Variants in SEC14L5 observed in about 807,000 individuals in gnomAD.
The protein encoded by SEC14L5 is SEC14-like protein 5.
A neutral mutation model predicts 84.6 loss-of-function variants in SEC14L5; 96 were observed. The ratio of observed to expected loss-of-function variants is 1.13; its 90% CI spans 0.96 to 1.34. The LOEUF (loss-of-function observed/expected upper bound fraction) is 1.34, where lower values mean the gene tolerates loss of function less well. Among genes scored for constraint, SEC14L5 ranks in the 40% most tolerant of loss-of-function variants. The pLI is 0.00. For missense variants in SEC14L5, 1,224 were observed against 942.5 expected (o/e 1.30, Z -3.91); for synonymous variants, 546 against 383.4 (o/e 1.42, Z -4.95).
chr16:5,012,842 C>T (rs982073679), intron 15 of SEC14L5, among the ~76,000 whole-genome samples: 1 of 151,392 alleles, frequency 6.6e-6, no homozygotes, highest in Admixed American at 6.6e-5. Flanking sequence ...TTGCAGTGAG[C>T]TGAGATCGCG....
chr16:4,972,295 A>G (rs1955289103), intron 2 of SEC14L5, among the ~76,000 whole-genome samples: 1 of 152,100 alleles, frequency 6.6e-6, no homozygotes, highest in Non-Finnish European at 1.5e-5. Flanking sequence ...GAGCCACTGC[A>G]CCTGGCTTCA....
chr16:5,011,235 TCTC>T lies in SEC14L5; in HGVS notation c.1942_1944del (p.Leu648del). ...ACAGCCCCGGGCCCAAGTGCAAACTTCTCTACTACTGTGAGGTGCTCGCCTCTG... is the reference window on the plus strand; with the variant it reads ...ACAGCCCCGGGCCCAAGTGCAAACTTTACTACTGTGAGGTGCTCGCCTCTG... On this transcript the variant is annotated inframe_deletion, in exon 15 of 16. Transcript: ENST00000251170. 6.2e-7 allele frequency: 1 copy of T among 1,613,822 alleles called. No homozygotes were observed. Among genetic ancestry groups the T allele is most frequent in the Non-Finnish European group, 8.5e-7 (1 of 1,179,862 alleles).
intron 3 of SEC14L5, among the ~76,000 whole-genome samples, 186 bp from the exon 4 acceptor site, chr16:4,987,963 A>G (rs538955543): frequency 2.0e-5 from 3 of 150,054 alleles, no homozygotes; most frequent in African/African-American, 4.9e-5. Flanking sequence ...TGGGTGGTGA[A>G]GATGGGTTGG....
At position 4,982,609 on chromosome 16, in the gene SEC14L5, C is replaced by G. The variant is rs529757985; in HGVS notation, c.64-4948C>G. Reference sequence around the variant, plus strand: ...GCTCCGAGGACAGTGAGGGGCCCTTCCCTGTGAAGGGCACAGTGGCATGGA... The same window carrying G: ...GCTCCGAGGACAGTGAGGGGCCCTTGCCTGTGAAGGGCACAGTGGCATGGA... On this transcript the variant is annotated intron_variant, in intron 2 of 15. Coordinates refer to ENST00000251170, the MANE Select transcript of SEC14L5 (RefSeq NM_014692.2). Among the ~76,000 whole-genome samples the G allele has an allele frequency of 2.6e-5, 4 of 152,316 alleles. No homozygotes were observed. In the East Asian group the frequency reaches 7.7e-4, roughly 29 times the overall value.
At position 5,011,165 on chromosome 16, in the gene SEC14L5, T is replaced by G. The variant is rs1185147467; in HGVS notation, c.1871T>G (p.Val624Gly). The G allele has an allele frequency of 3.7e-6, 6 of 1,613,224 alleles. No individual in the cohort carries two copies. The East Asian group carries it at 1.3e-4, about 36-fold the overall frequency. ...QWQMHSPPSS[V>G]ACSLPGVDDV... Reference sequence around the variant, plus strand: ...CAAATGCACAGCCCCCCCAGCAGCGTGGCCTGCAGCCTCCCGGGTGTGGAC... The same window carrying G: ...CAAATGCACAGCCCCCCCAGCAGCGGGGCCTGCAGCCTCCCGGGTGTGGAC... The change falls in exon 15 of 16, where the codon GTG becomes GGG. Residue 624 changes from valine (V) to glycine (G), a missense_variant. Coordinates refer to ENST00000251170, the MANE Select transcript of SEC14L5 (RefSeq NM_014692.2).
chr16:4,994,489 G>A (rs993748657), intron 6 of SEC14L5, among the ~76,000 whole-genome samples: 85 of 152,084 alleles, frequency 5.6e-4, no homozygotes, highest in African/African-American at 2.0e-3. Flanking sequence ...GACTACAGGC[G>A]TGCACCATCA....
In SEC14L5 at chr16:4,988,357, C is replaced by A. The variant is rs891667669; in HGVS notation, c.345+77C>A. The stretch of plus-strand genomic sequence containing the variant: ...CACCCACCTGTGCCCAGAGCTGTGT[C>A]CCCACATTCCTTGAGCCTCTGCCAA... On this transcript the variant is annotated intron_variant, in intron 4 of 15. Transcript: ENST00000251170. The A allele has an allele frequency of 1.8e-5, 27 of 1,536,300 alleles. No homozygotes were observed. In the African/African-American group the frequency reaches 2.6e-4, roughly 15 times the overall value.
chr16:5,001,987 C>A (rs1955682916), intron 10 of SEC14L5, among the ~76,000 whole-genome samples: 1 of 152,090 alleles, frequency 6.6e-6, no homozygotes, highest in African/African-American at 2.4e-5. Context: ...TCAGGCTGGT[C>A]TAAAACTCCT....
rs1341607988 is a variant in SEC14L5, at chr16:5,015,201, A to C, written c.*231A>C. On this transcript the variant is annotated 3_prime_UTR_variant, in exon 16 of 16. Coordinates refer to ENST00000251170, the MANE Select transcript of SEC14L5 (RefSeq NM_014692.2). ...AACCATCTCCTTCCGGCTTCGTGTA[A>C]GGAAGACCAAGCCAAGGCCAAGGTG... 2 of 544,546 alleles carry C rather than the reference A, an allele frequency of 3.7e-6. No homozygotes were observed. The highest frequency in any genetic ancestry group is 6.5e-6 in the Non-Finnish European group (2 of 306,460). 33.7% of individuals were successfully genotyped at this position (544,546 alleles called of 1,614,324 possible). A position where few individuals can be genotyped will look rare whatever the true frequency, so the allele number is the denominator to read the frequency against.
intron 11 of SEC14L5, 51 bp downstream of exon 11, chr16:5,003,624 G>GGGTGGCCC: frequency 3.3e-6 from 1 of 305,312 alleles, no homozygotes. Context: ...GGTGGGATGG[G>GGGTGGCCC]AGGGGTTCCG....
chr16:4,995,348 C>T (rs1405453830), intron 6 of SEC14L5, among the ~76,000 whole-genome samples: 3 of 152,178 alleles, frequency 2.0e-5, no homozygotes, highest in African/African-American at 4.8e-5. Flanking sequence ...GGCAACATTC[C>T]GACTACAACC....
At chr16:5,010,332 C>G (rs144859442) in intron 14 of SEC14L5, among the ~76,000 whole-genome samples, 1 of 150,896 alleles carries the variant, frequency 6.6e-6, no homozygotes, top group Admixed American at 6.6e-5. Context: ...CCATTATACT[C>G]TAGTCTGAGT....
At chr16:4,980,956 G>C (rs1194987926) in intron 2 of SEC14L5, among the ~76,000 whole-genome samples, 1 of 152,074 alleles carries the variant, frequency 6.6e-6, no homozygotes, top group Non-Finnish European at 1.5e-5. Flanking sequence ...CCCATGGCAG[G>C]GACACGTCGA....
At chr16:4,976,436 C>T (rs546345165) in intron 2 of SEC14L5, among the ~76,000 whole-genome samples, 63 of 152,286 alleles carry the variant, frequency 4.1e-4, no homozygotes, top group South Asian at 2.3e-3. Context: ...GGGATATCAG[C>T]GGCTGATGAC....
In SEC14L5 at chr16:4,988,205, G is replaced by C. The variant is rs777069425; in HGVS notation, c.270G>C (p.Glu90Asp). 4.3e-5 allele frequency: 70 copies of C among 1,613,682 alleles called. 1 individual carries two copies. Among genetic ancestry groups the C allele is most frequent in the South Asian group, 4.2e-4 (38 of 91,078 alleles). The change falls in exon 4 of 16, where the codon GAG becomes GAC. Residue 90 changes from glutamate (E) to aspartate (D), a missense_variant. Transcript: ENST00000251170. ...AGACAAACATCTTGAACTGGAAGGA[G>C]AGGACGCTCCTCATCGAAGCGCACA... ...FVQTNILNWK[E>D]RTLLIEAHNE...
chr16:5,008,596 A>AT lies in SEC14L5; in HGVS notation c.1750dup (p.Tyr584LeufsTer69). 1 of 1,605,318 alleles carries AT rather than the reference A, an allele frequency of 6.2e-7. No individual in the cohort carries two copies. Among genetic ancestry groups the AT allele is most frequent in the African/African-American group, 1.3e-5 (1 of 74,274 alleles). ...GACAAAGGCTGGGTCCTGGGCAGGG[A>AT]TTACAGCCGTGTGGAGGCTCCCCTT... On this transcript the variant is annotated frameshift_variant, in exon 14 of 16. Coordinates refer to ENST00000251170, the MANE Select transcript of SEC14L5 (RefSeq NM_014692.2). LOFTEE classifies it high-confidence loss of function.
rs188593177 is a variant in SEC14L5, at chr16:4,985,965, G to T, written c.64-1592G>T. Among the ~76,000 whole-genome samples, 5 of 151,768 alleles carry T rather than the reference G, an allele frequency of 3.3e-5. No homozygotes were observed. In the East Asian group the frequency reaches 9.6e-4, roughly 29 times the overall value. On this transcript the variant is annotated intron_variant, in intron 2 of 15. Coordinates refer to ENST00000251170, the MANE Select transcript of SEC14L5 (RefSeq NM_014692.2). Reference sequence around the variant, plus strand: ...GGACTTATGTTTTCATTTATCTTGGGTATATACCTAGGAGTGGAATTGCTG... The same window carrying T: ...GGACTTATGTTTTCATTTATCTTGGTTATATACCTAGGAGTGGAATTGCTG...
intron 2 of SEC14L5, among the ~76,000 whole-genome samples, chr16:4,961,611 G>T (rs1261194893): frequency 6.6e-6 from 1 of 152,170 alleles, no homozygotes; most frequent in Non-Finnish European, 1.5e-5. Flanking sequence ...TTACAGGGGT[G>T]ACTCACTGCA....
At chr16:5,009,672 G>A (rs888576395) in intron 14 of SEC14L5, among the ~76,000 whole-genome samples, 4 of 152,068 alleles carry the variant, frequency 2.6e-5, no homozygotes, top group Admixed American at 6.6e-5. Flanking sequence ...ATAAGGTCAC[G>A]TTCTGAGGTT....
Sources: allele counts gnomAD v4.1 joint callset (sites outside exome capture counted in the v4.1 genomes callset), GRCh38; gene constraint gnomAD v4.1.1; transcripts MANE v1.5; gene names NCBI Gene and HGNC (gene_info 2026-07-23, HGNC 2026-07-21).